TTLL7: variants seen among roughly 807,000 people sequenced by gnomAD.
TTLL7 encodes the protein tubulin tyrosine ligase like 7, also known as tubulin polyglutamylase TTLL7.
A neutral mutation model predicts 120.2 loss-of-function variants in TTLL7; 53 were observed. The ratio of observed to expected loss-of-function variants is 0.44; its 90% confidence interval spans 0.35 to 0.55. TTLL7 has a LOEUF of 0.55. Among genes scored for constraint, TTLL7 ranks in the 20% least tolerant of loss-of-function variants. TTLL7 has a pLI of 0.00. For missense variants in TTLL7, 803 were observed against 1,054.7 expected (o/e 0.76, Z 3.31); for synonymous variants, 353 against 351.7 (o/e 1.00, Z -0.04).
chr1:83,903,013 C>T (rs1557596205), intron 18 of TTLL7, among the ~76,000 whole-genome samples: 1 of 152,080 alleles, frequency 6.6e-6, no homozygotes, highest in East Asian at 1.9e-4. Flanking sequence ...CAAATTCCCA[C>T]TCCCCCGGTT....
intron 15 of TTLL7, among the ~76,000 whole-genome samples, chr1:83,910,337 T>C (rs777122825): frequency 2.0e-5 from 3 of 152,044 alleles, no homozygotes; most frequent in Non-Finnish European, 4.4e-5. Flanking sequence ...CCTAGGACAG[T>C]GGAGCACGAG....
intron 18 of TTLL7, among the ~76,000 whole-genome samples, chr1:83,894,116 C>G (rs969731407): frequency 1.3e-5 from 2 of 152,148 alleles, no homozygotes; most frequent in African/African-American, 4.8e-5. Flanking sequence ...AGAATCAACA[C>G]TAACTGTAAA....
chr1:83,969,616 T>C (rs1650792984), intron 1 of TTLL7, among the ~76,000 whole-genome samples: 1 of 152,024 alleles, frequency 6.6e-6, no homozygotes, highest in Non-Finnish European at 1.5e-5. Context: ...TTTATGCTTT[T>C]GATTTGTTAA....
chr1:83,900,997 G>A (rs2100751458), intron 18 of TTLL7, among the ~76,000 whole-genome samples: 1 of 152,030 alleles, frequency 6.6e-6, no homozygotes, highest in East Asian at 1.9e-4. Flanking sequence ...TCCATAAGTT[G>A]TCTTTTCATG....
At chr1:83,977,939 G>T (rs1651639414) in intron 1 of TTLL7, among the ~76,000 whole-genome samples, 1 of 151,984 alleles carries the variant, frequency 6.6e-6, no homozygotes, top group Non-Finnish European at 1.5e-5. Context: ...TATTTAGTTT[G>T]TACTTTGAGT....
chr1:83,988,999 C>T (rs549591176), intron 1 of TTLL7, among the ~76,000 whole-genome samples: 8 of 152,158 alleles, frequency 5.3e-5, no homozygotes, highest in Non-Finnish European at 1.2e-4. Context: ...TGAGCCACCA[C>T]GCCTGGCCTT....
chr1:83,867,286 AGG>A lies in TTLL7; in HGVS notation c.*2674_*2675del, dbSNP rs1286329998. Reference sequence around the variant, plus strand: ...TTGTGTCTTCTCTTAGTTGCTCATTAGGGAATAGCACTACAGCAGACACAGTC... The same window carrying A: ...TTGTGTCTTCTCTTAGTTGCTCATTAGAATAGCACTACAGCAGACACAGTC... On this transcript the variant is annotated 3_prime_UTR_variant, in exon 21 of 21. Transcript: ENST00000260505. 1 of 152,006 alleles carries A rather than the reference AGG, an allele frequency of 6.6e-6. No homozygotes were observed. Among genetic ancestry groups the A allele is most frequent in the Non-Finnish European group, 1.5e-5 (1 of 67,886 alleles). 9.4% of individuals were successfully genotyped at this position (152,006 alleles called of 1,614,324 possible). A position where few individuals can be genotyped will look rare whatever the true frequency, so the allele number is the denominator to read the frequency against.
intron 1 of TTLL7, among the ~76,000 whole-genome samples, chr1:83,960,693 G>C (rs1427307899): frequency 6.6e-6 from 1 of 152,060 alleles, no homozygotes; most frequent in African/African-American, 2.4e-5. Flanking sequence ...AGGTAAAATG[G>C]TGTTAATTAA....
At chr1:83,920,241 G>A (rs974848586) in intron 12 of TTLL7, among the ~76,000 whole-genome samples, 3 of 152,132 alleles carry the variant, frequency 2.0e-5, no homozygotes, top group Non-Finnish European at 4.4e-5. Context: ...CAGTATAAGG[G>A]TTTAGTTGGG....
intron 20 of TTLL7, among the ~76,000 whole-genome samples, chr1:83,878,810 ATAT>A (rs1654188724): frequency 6.6e-6 from 1 of 151,900 alleles, no homozygotes; most frequent in Non-Finnish European, 1.5e-5. Context: ...TTTGGTATGC[ATAT>A]TATTATTTTT....
intron 8 of TTLL7, among the ~76,000 whole-genome samples, chr1:83,935,759 A>G (rs1166144718): frequency 2.0e-5 from 3 of 152,140 alleles, no homozygotes; most frequent in Non-Finnish European, 4.4e-5. Context: ...AGACATCAAG[A>G]TAAAAATTTA....
chr1:83,960,049 T>C (rs1459540780), intron 1 of TTLL7, among the ~76,000 whole-genome samples: 1 of 152,178 alleles, frequency 6.6e-6, no homozygotes, highest in African/African-American at 2.4e-5. Context: ...TGTGTTCTTA[T>C]GCAAAGAATG....
At chr1:83,943,651 A>C (rs1648196086) in intron 6 of TTLL7, among the ~76,000 whole-genome samples, 3 of 152,246 alleles carry the variant, frequency 2.0e-5, no homozygotes, top group Non-Finnish European at 4.4e-5. Context: ...AATGAGCTGC[A>C]ACAACAAATT....
At chr1:83,880,492 A>G (rs1184584393) in intron 20 of TTLL7, among the ~76,000 whole-genome samples, 4 of 152,000 alleles carry the variant, frequency 2.6e-5, no homozygotes, top group Non-Finnish European at 5.9e-5. Context: ...ATACTCCCCA[A>G]GTTTTTTAAA....
intron 1 of TTLL7, among the ~76,000 whole-genome samples, chr1:83,989,939 A>G (rs373676290): frequency 2.1e-4 from 32 of 150,234 alleles, no homozygotes; most frequent in African/African-American, 7.4e-4. Context: ...GATGTTGGGG[A>G]TTTTTTTTTG....
intron 1 of TTLL7, among the ~76,000 whole-genome samples, chr1:83,962,492 C>G (rs1356169739): frequency 6.6e-6 from 1 of 152,130 alleles, no homozygotes; most frequent in Non-Finnish European, 1.5e-5. Flanking sequence ...AAATAAACCT[C>G]CTATGGCATC....
rs570392941 is a variant in TTLL7, at chr1:83,933,755, T to C, written c.900A>G (p.Val300=). ...KFWSDISELV[V]KTLIVAEPHV... Reference sequence around the variant, plus strand: ...GAGGTTCTGCTACAATCAGGGTCTTTACCACCAATTCCTATAAGATTGTGA... The same window carrying C: ...GAGGTTCTGCTACAATCAGGGTCTTCACCACCAATTCCTATAAGATTGTGA... The change falls in exon 9 of 21, where the codon GTA becomes GTG. Residue 300 remains valine, a synonymous_variant. Transcript: ENST00000260505. 6.2e-7 allele frequency: 1 copy of C among 1,609,382 alleles called. No homozygotes were observed. The highest frequency in any genetic ancestry group is 1.1e-5 in the South Asian group (1 of 89,762).
chr1:83,990,926 C>G (rs1652935887), intron 1 of TTLL7, among the ~76,000 whole-genome samples: 2 of 152,158 alleles, frequency 1.3e-5, no homozygotes, highest in African/African-American at 4.8e-5. Flanking sequence ...TTCACAACAG[C>G]CAACAGGTGG....
chr1:83,978,335 C>G (rs1213599748), intron 1 of TTLL7, among the ~76,000 whole-genome samples: 2 of 152,102 alleles, frequency 1.3e-5, no homozygotes, highest in African/African-American at 2.4e-5. Context: ...TCCTCACAAA[C>G]AGATGAGAAA....
Sources: gnomAD v4.1 joint callset for allele counts (sites outside exome capture counted in the v4.1 genomes callset) on GRCh38, gnomAD v4.1.1 for gene constraint, MANE v1.5 for transcripts, NCBI Gene and HGNC (gene_info 2026-07-23, HGNC 2026-07-21) for gene names.